Variants in SFMBT2 observed in about 807,000 individuals in gnomAD.
The protein encoded by SFMBT2 is scm-like with four MBT domains protein 2.
A neutral mutation model predicts 110.1 loss-of-function variants in SFMBT2; 38 were observed. The ratio of observed to expected loss-of-function variants is 0.35; its 90% CI spans 0.27 to 0.45. The LOEUF is 0.45. Ranked by LOEUF, SFMBT2 falls within the 20% of genes least tolerant of loss-of-function variation. The probability of loss-of-function intolerance (pLI) is 1.00; values close to 1 mark genes in which losing one functional copy is unlikely to be tolerated. For synonymous variants in SFMBT2, 425 were observed against 425.4 expected (o/e 1.00, Z 0.01); for missense variants, 1,011 against 1,094.9 (o/e 0.92, Z 1.08).
At chr10:7,381,693 AGTAT>A (rs1481326526) in intron 2 of SFMBT2, 102 bp downstream of exon 2, 1 of 1,203,842 alleles carries the variant, frequency 8.3e-7, no homozygotes, top group Non-Finnish European at 1.2e-6. Flanking sequence ...GGAACCAGAC[AGTAT>A]GTGAGATCTA....
intron 4 of SFMBT2, among the ~76,000 whole-genome samples, chr10:7,302,522 A>G (rs2131884217): frequency 6.6e-6 from 1 of 152,356 alleles, no homozygotes; most frequent in Non-Finnish European, 1.5e-5. Flanking sequence ...GTTCCTAAAC[A>G]TGACAAGCCA....
chr10:7,397,666 A>T (rs927852388), intron 1 of SFMBT2, among the ~76,000 whole-genome samples: 7 of 152,210 alleles, frequency 4.6e-5, no homozygotes, highest in Non-Finnish European at 1.0e-4. Flanking sequence ...TCTGAAAATC[A>T]CTGTTTCCAT....
chr10:7,383,925 G>A (rs1023997515), intron 1 of SFMBT2, among the ~76,000 whole-genome samples: 6 of 151,974 alleles, frequency 3.9e-5, no homozygotes, highest in African/African-American at 1.5e-4. Flanking sequence ...TAAAATCACA[G>A]AAAGGCTGAG....
chr10:7,249,441 C>CAT, intron 7 of SFMBT2: 1 of 868,228 alleles, frequency 1.2e-6, no homozygotes, highest in East Asian at 1.2e-4. Flanking sequence ...GAGGTCACCT[C>CAT]ATAACTCACA....
chr10:7,359,752 T>G (rs1281709701), intron 4 of SFMBT2, among the ~76,000 whole-genome samples: 1 of 152,132 alleles, frequency 6.6e-6, no homozygotes, highest in South Asian at 2.1e-4. Flanking sequence ...AATTGGAAAA[T>G]ATTCTGGACA....
At chr10:7,289,908 A>C (rs1378823362) in intron 4 of SFMBT2, among the ~76,000 whole-genome samples, 1 of 152,240 alleles carries the variant, frequency 6.6e-6, no homozygotes, top group African/African-American at 2.4e-5. Context: ...GGCATTGCTC[A>C]GTGTGACCAT....
intron 11 of SFMBT2, among the ~76,000 whole-genome samples, chr10:7,213,143 C>T (rs1564386756): frequency 6.6e-6 from 1 of 152,004 alleles, no homozygotes; most frequent in East Asian, 1.9e-4. Flanking sequence ...GGGCTTCAAA[C>T]CTAGATGACG....
intron 4 of SFMBT2, among the ~76,000 whole-genome samples, chr10:7,317,594 T>C (rs1393945642): frequency 7.8e-6 from 1 of 128,934 alleles, no homozygotes; most frequent in Non-Finnish European, 1.5e-5. Flanking sequence ...TGAGCGAAGA[T>C]CATGCCACTG....
rs756703291 is a variant in SFMBT2 at position 7,170,924 on chromosome 10, G to C, written c.2544+4C>G. ...AAACAATCGACACGCGGCAACCACC[G>C]TACCTGCTCCTGAAATATCTTGGCC... is the stretch of plus-strand genomic sequence containing the variant. On this transcript the variant is annotated splice_donor_region_variant and intron_variant, in intron 20 of 20. Coordinates refer to ENST00000397167, the MANE Select transcript of SFMBT2 (RefSeq NM_001387889.1). This position sits in a 1 kb window ranked among gnomAD's most constrained non-coding sequence, Gnocchi z 4.6. 1.2e-6 allele frequency: 2 copies of C among 1,614,082 alleles called. No individual in the cohort carries two copies. The highest frequency in any genetic ancestry group is 1.3e-5 in the African/African-American group (1 of 75,024).
At chr10:7,354,521 T>C (rs763347285) in intron 4 of SFMBT2, among the ~76,000 whole-genome samples, 38 of 152,088 alleles carry the variant, frequency 2.5e-4, no homozygotes, top group Non-Finnish European at 4.3e-4. Context: ...AGGACGGCAC[T>C]GGTCTATTCT....
intron 7 of SFMBT2, among the ~76,000 whole-genome samples, chr10:7,261,118 T>C (rs1315687842): frequency 6.6e-6 from 1 of 152,170 alleles, no homozygotes; most frequent in Non-Finnish European, 1.5e-5. Flanking sequence ...GTCAGGTTAC[T>C]GTGGGGATGT....
chr10:7,384,784 T>C (rs888188116), intron 1 of SFMBT2, among the ~76,000 whole-genome samples: 1 of 152,190 alleles, frequency 6.6e-6, no homozygotes, highest in Non-Finnish European at 1.5e-5. Context: ...AGCTGCATTC[T>C]TCTAAGAGCA....
intron 2 of SFMBT2, among the ~76,000 whole-genome samples, chr10:7,377,677 T>G (rs1368665119): frequency 1.3e-5 from 2 of 152,202 alleles, no homozygotes; most frequent in South Asian, 4.2e-4. Flanking sequence ...CCTATGAGAA[T>G]CTAATGCCGC....
At chr10:7,287,877 T>C (rs1371735351) in intron 4 of SFMBT2, among the ~76,000 whole-genome samples, 3 of 152,198 alleles carry the variant, frequency 2.0e-5, no homozygotes, top group African/African-American at 7.2e-5. Flanking sequence ...TCAATTTCTC[T>C]TAGACTCTTT....
At chr10:7,263,690 G>C (rs1459306945) in intron 7 of SFMBT2, among the ~76,000 whole-genome samples, 1 of 152,224 alleles carries the variant, frequency 6.6e-6, no homozygotes, top group Non-Finnish European at 1.5e-5. Flanking sequence ...CCTGGAGAAT[G>C]TAAGTGTCCC....
intron 10 of SFMBT2, among the ~76,000 whole-genome samples, chr10:7,226,170 T>C (rs2058673580): frequency 6.6e-6 from 1 of 152,244 alleles, no homozygotes; most frequent in Admixed American, 6.5e-5. Context: ...GATTTTTGAC[T>C]GCTCCCCGGA....
At chr10:7,385,860 C>T (rs1032049715) in intron 1 of SFMBT2, among the ~76,000 whole-genome samples, 10 of 152,198 alleles carry the variant, frequency 6.6e-5, no homozygotes, top group South Asian at 4.2e-4. Flanking sequence ...ATTAGCCAGG[C>T]GTGGTGGTGG....
intron 2 of SFMBT2, 49 bp downstream of exon 2, chr10:7,381,750 T>C (rs370106216): frequency 1.8e-5 from 28 of 1,584,104 alleles, no homozygotes; most frequent in Admixed American, 3.4e-5. Context: ...CAGGAAGATA[T>C]TGATCAATTC....
At chr10:7,300,008 C>T (rs1001493489) in intron 4 of SFMBT2, among the ~76,000 whole-genome samples, 1 of 152,044 alleles carries the variant, frequency 6.6e-6, no homozygotes, top group Non-Finnish European at 1.5e-5. Flanking sequence ...AAGATCATAT[C>T]CTTTGCAGGG....
Sources: gnomAD v4.1 joint callset for allele counts (sites outside exome capture counted in the v4.1 genomes callset) on GRCh38, gnomAD v4.1.1 for gene constraint, Gnocchi (gnomAD v3.1) non-coding constraint, MANE v1.5 for transcripts, NCBI Gene and HGNC (gene_info 2026-07-23, HGNC 2026-07-21) for gene names.